Variants in RIMS2 observed in about 807,000 individuals in gnomAD.
RIMS2 encodes regulating synaptic membrane exocytosis 2, also known as regulating synaptic membrane exocytosis protein 2.
In RIMS2, 59 loss-of-function variants were observed where a neutral mutation model predicts 174.4. That is an observed-to-expected ratio of 0.34 (90% confidence interval 0.27 to 0.42). The LOEUF is 0.42. Among genes scored for constraint, RIMS2 ranks in the 10% least tolerant of loss-of-function variants. The pLI, the probability that RIMS2 is intolerant of heterozygous loss-of-function variation, is 1.00. For missense variants in RIMS2, 1,620 were observed against 1,666.3 expected, an observed-to-expected ratio of 0.97 and a Z score of 0.48; for synonymous variants, 606 against 572.5, an observed-to-expected ratio of 1.06 and a Z score of -0.84.
At chr8:103,776,937 A>G (rs1316893384) in intron 3 of RIMS2, among the ~76,000 whole-genome samples, 2 of 152,158 alleles carry the variant, frequency 1.3e-5, no homozygotes, top group African/African-American at 4.8e-5. Context: ...AAAGTAAATC[A>G]TTGGCTTCAT....
intron 3 of RIMS2, among the ~76,000 whole-genome samples, chr8:103,812,331 G>GTTTTTTTTTTTGTTTTTTTT (rs2098692484): frequency 9.0e-6 from 1 of 111,612 alleles, no homozygotes; most frequent in Non-Finnish European, 1.8e-5. Flanking sequence ...TTATTACCTT[G>GTTTTTTTTTTTGTTTTTTTT]TTTTTTTTTT....
intron 19 of RIMS2, among the ~76,000 whole-genome samples, chr8:104,030,001 T>C (rs1193851595): frequency 2.0e-5 from 3 of 152,218 alleles, no homozygotes; most frequent in Admixed American, 1.3e-4. Context: ...GGAGCAGTAG[T>C]GTATCCAAAA....
chr8:103,861,423 T>G (rs2099058462), intron 3 of RIMS2, among the ~76,000 whole-genome samples: 1 of 152,128 alleles, frequency 6.6e-6, no homozygotes, highest in East Asian at 1.9e-4. Context: ...GTAATTGCAA[T>G]TAATGCTATA....
chr8:104,236,622 T>A (rs186740055), intron 19 of RIMS2, among the ~76,000 whole-genome samples: 98 of 152,190 alleles, frequency 6.4e-4, no homozygotes, highest in African/African-American at 2.2e-3. Context: ...TTTATATAGT[T>A]TTTACTGAAA....
chr8:103,625,322 A>G lies in RIMS2; in HGVS notation c.177-71764A>G, dbSNP rs145497554. ...AGTACTGAATAAGGTAGATACTAAG[A>G]CTTAAAGTATCCTGCCCACAATGAG... On this transcript the variant is annotated intron_variant, in intron 1 of 23. Coordinates refer to ENST00000504942, the Ensembl canonical transcript of RIMS2. Among the ~76,000 whole-genome samples, 334 of 152,276 alleles carry G rather than the reference A, an allele frequency of 2.2e-3. 1 individual carries two copies. Among genetic ancestry groups the G allele is most frequent in the African/African-American group, 7.7e-3 (319 of 41,548 alleles).
intron 19 of RIMS2, among the ~76,000 whole-genome samples, chr8:104,169,396 C>A (rs1232303646): frequency 6.8e-6 from 1 of 147,438 alleles, no homozygotes; most frequent in Non-Finnish European, 1.5e-5. Flanking sequence ...CTGTCTCTTC[C>A]TATTTAAACT....
chr8:104,166,568 C>T (rs1162411514), intron 19 of RIMS2, among the ~76,000 whole-genome samples: 1 of 152,012 alleles, frequency 6.6e-6, no homozygotes, highest in East Asian at 1.9e-4. Context: ...TTTATTTAAG[C>T]AAATGGAACC....
intron 1 of RIMS2, among the ~76,000 whole-genome samples, chr8:103,583,332 A>G (rs2093721774): frequency 6.6e-6 from 1 of 152,168 alleles, no homozygotes; most frequent in African/African-American, 2.4e-5. Context: ...ATAAGCCTAG[A>G]TAGTGTATAC....
At chr8:103,768,690 A>T in intron 3 of RIMS2, 1 of 775,632 alleles carries the variant, frequency 1.3e-6, no homozygotes, top group Non-Finnish European at 2.4e-6. Context: ...GGCCCAAAAG[A>T]GCTAGCAGAA....
chr8:104,255,384 T>C (rs953027310), downstream of RIMS2: 2 of 152,162 alleles, frequency 1.3e-5, no homozygotes, highest in Non-Finnish European at 2.9e-5. Flanking sequence ...ACATTCCTGT[T>C]ATAAAAATTC....
intron 3 of RIMS2, among the ~76,000 whole-genome samples, chr8:103,847,061 T>A (rs2098971574): frequency 6.6e-6 from 1 of 152,084 alleles, no homozygotes; most frequent in African/African-American, 2.4e-5. Context: ...TATTATTATT[T>A]TTTCTGGCAT....
At chr8:103,754,187 C>T (rs1481858933) in intron 2 of RIMS2, among the ~76,000 whole-genome samples, 3 of 152,096 alleles carry the variant, frequency 2.0e-5, no homozygotes, top group African/African-American at 7.2e-5. Context: ...TCGTTATGTA[C>T]CCAGTAGTCA....
chr8:103,885,432 C>T (rs17854256), exon 4 of RIMS2: 18,314 of 1,612,064 alleles, frequency 0.011, 330 homozygotes, highest in East Asian at 0.072. Flanking sequence ...GATAGGCGAT[C>T]TCAACATGAA....
At chr8:103,708,529 GT>G (rs1482471941) in intron 2 of RIMS2, among the ~76,000 whole-genome samples, 1 of 151,782 alleles carries the variant, frequency 6.6e-6, no homozygotes, top group African/African-American at 2.4e-5. Context: ...TGTGTAGATA[GT>G]TGTTCAAAGT....
At chr8:104,209,249 T>A (rs984097364) in intron 19 of RIMS2, among the ~76,000 whole-genome samples, 3 of 152,214 alleles carry the variant, frequency 2.0e-5, no homozygotes, top group African/African-American at 7.2e-5. Flanking sequence ...TTACAACACT[T>A]AACACATAGG....
chr8:103,767,963 A>C (rs1478075568), intron 3 of RIMS2, among the ~76,000 whole-genome samples: 1 of 152,172 alleles, frequency 6.6e-6, no homozygotes, highest in Non-Finnish European at 1.5e-5. Flanking sequence ...GATCCTGGGA[A>C]TTGTTAACTC....
intron 1 of RIMS2, among the ~76,000 whole-genome samples, chr8:103,648,941 T>G (rs938611206): frequency 6.6e-6 from 1 of 152,212 alleles, no homozygotes; most frequent in Non-Finnish European, 1.5e-5. Flanking sequence ...CCATTTATAT[T>G]TAAGGTTAGT....
chr8:103,652,313 A>G, intron 1 of RIMS2, 76 bp downstream of exon 2: 1 of 801,332 alleles, frequency 1.2e-6, no homozygotes, highest in Middle Eastern at 2.8e-4. Flanking sequence ...GTATTAGCTT[A>G]CACTAATACT....
At chr8:103,537,752 C>A (rs1015902119) in intron 1 of RIMS2, among the ~76,000 whole-genome samples, 1 of 152,020 alleles carries the variant, frequency 6.6e-6, no homozygotes, top group Non-Finnish European at 1.5e-5. Flanking sequence ...GGTAGTATTC[C>A]CTGACTGCTG....
Sources: gnomAD v4.1 joint callset for allele counts (sites outside exome capture counted in the v4.1 genomes callset) on GRCh38, gnomAD v4.1.1 for gene constraint, MANE v1.5 for transcripts, NCBI Gene and HGNC (gene_info 2026-07-23, HGNC 2026-07-21) for gene names.